The following CADM2 variants were observed in gnomAD, a reference collection of about 807,000 sequenced individuals.
The protein encoded by CADM2 is immunoglobulin superfamily member 4D.
CADM2 carries 12 observed loss-of-function variants against 49.8 expected under a neutral mutation model. That is an observed-to-expected ratio of 0.24 (90% CI 0.15 to 0.39). CADM2 has a LOEUF of 0.39. CADM2 is among the 10% of genes least tolerant of loss of function. The pLI is 1.00. For synonymous variants in CADM2, 214 were observed against 175.4 expected (o/e 1.22, Z -1.74); for missense variants, 378 against 492.3 (o/e 0.77, Z 2.20).
At chr3:85,615,292 T>C (rs1191105708) in intron 1 of CADM2, among the ~76,000 whole-genome samples, 3 of 151,742 alleles carry the variant, frequency 2.0e-5, no homozygotes, top group Non-Finnish European at 1.5e-5. Context: ...TAGTTCTCAG[T>C]TTTCCAGGAT....
intron 8 of CADM2, among the ~76,000 whole-genome samples, chr3:86,009,872 C>G (rs888572666): frequency 1.3e-5 from 2 of 151,812 alleles, no homozygotes; most frequent in South Asian, 4.2e-4. Flanking sequence ...ATGGCTATAT[C>G]TATCTAATAA....
intron 1 of CADM2, among the ~76,000 whole-genome samples, chr3:85,518,769 A>C (rs2060962695): frequency 6.6e-6 from 1 of 152,242 alleles, no homozygotes; most frequent in African/African-American, 2.4e-5. Context: ...ACTCTCATTA[A>C]GGACATTGTA....
At chr3:85,613,689 C>T (rs920906915) in intron 1 of CADM2, among the ~76,000 whole-genome samples, 3 of 151,116 alleles carry the variant, frequency 2.0e-5, no homozygotes, top group Admixed American at 2.0e-4. Context: ...TAAAATTAGT[C>T]AGAAAATATG....
chr3:85,184,185 T>A (rs141909236), intron 1 of CADM2, among the ~76,000 whole-genome samples: 3 of 151,904 alleles, frequency 2.0e-5, no homozygotes, highest in African/African-American at 7.3e-5. Context: ...TGAAAAAAAA[T>A]TGATTTTTTG....
chr3:85,024,214 A>G (rs1053239179), intron 1 of CADM2, among the ~76,000 whole-genome samples: 1 of 152,160 alleles, frequency 6.6e-6, no homozygotes, highest in Non-Finnish European at 1.5e-5. Context: ...TGTAAATAAC[A>G]ATAACTGTCA....
intron 1 of CADM2, among the ~76,000 whole-genome samples, chr3:85,468,619 C>G (rs1346208445): frequency 2.0e-5 from 3 of 151,948 alleles, no homozygotes; most frequent in Non-Finnish European, 1.5e-5. Flanking sequence ...AAGAACTTAA[C>G]TCTTGTTTAT....
chr3:85,535,856 G>A (rs889293297), intron 1 of CADM2, among the ~76,000 whole-genome samples: 1 of 152,116 alleles, frequency 6.6e-6, no homozygotes, highest in Non-Finnish European at 1.5e-5. Context: ...CTTGAGCAGA[G>A]CAACCCTGTA....
intron 1 of CADM2, among the ~76,000 whole-genome samples, chr3:85,180,318 G>A (rs777353825): frequency 2.6e-5 from 4 of 151,820 alleles, no homozygotes; most frequent in African/African-American, 4.8e-5. Context: ...AGACCACCCT[G>A]GGCAATGTGG....
chr3:84,963,961 C>T (rs1271773586), intron 1 of CADM2, among the ~76,000 whole-genome samples: 1 of 152,074 alleles, frequency 6.6e-6, no homozygotes, highest in African/African-American at 2.4e-5. Flanking sequence ...ATAACTGTGG[C>T]TTAAATAGTC....
chr3:85,156,933 G>A (rs1221087087), intron 1 of CADM2, among the ~76,000 whole-genome samples: 1 of 152,104 alleles, frequency 6.6e-6, no homozygotes, highest in Non-Finnish European at 1.5e-5. Context: ...TGTATATCTA[G>A]AAAACCCCAT....
At chr3:85,739,433 T>G (rs1008454653) in intron 2 of CADM2, among the ~76,000 whole-genome samples, 2 of 152,108 alleles carry the variant, frequency 1.3e-5, no homozygotes, top group Non-Finnish European at 2.9e-5. Context: ...GGATCTGTTT[T>G]CTTTTAAAAT....
At chr3:85,269,206 A>AG (rs1189083589) in intron 1 of CADM2, among the ~76,000 whole-genome samples, 1 of 151,448 alleles carries the variant, frequency 6.6e-6, no homozygotes, top group Non-Finnish European at 1.5e-5. Context: ...ATAATAAAAA[A>AG]TAATTTGATT....
At chr3:85,959,077 T>G (rs1484765261) in intron 7 of CADM2, among the ~76,000 whole-genome samples, 9 of 151,272 alleles carry the variant, frequency 5.9e-5, no homozygotes, top group Non-Finnish European at 1.3e-4. Context: ...TATATCTATA[T>G]AGCTATATCT....
chr3:85,744,876 A>G (rs558810546), intron 2 of CADM2, among the ~76,000 whole-genome samples: 5 of 152,292 alleles, frequency 3.3e-5, no homozygotes, highest in Admixed American at 3.3e-4. Flanking sequence ...TGCAATGGCA[A>G]AGCATTGGCA....
intron 1 of CADM2, among the ~76,000 whole-genome samples, chr3:85,194,449 A>G (rs1477418771): frequency 6.6e-6 from 1 of 152,144 alleles, no homozygotes; most frequent in Admixed American, 6.6e-5. Context: ...CAGACCAAAC[A>G]GACCAAGAAA....
chr3:85,957,949 A>G (rs1577776448), intron 7 of CADM2, among the ~76,000 whole-genome samples: 1 of 152,026 alleles, frequency 6.6e-6, no homozygotes, highest in African/African-American at 2.4e-5. Context: ...AATGGGATCT[A>G]ATTAAAGTAA....
At chr3:85,347,969 G>A (rs908170257) in intron 1 of CADM2, among the ~76,000 whole-genome samples, 14 of 151,914 alleles carry the variant, frequency 9.2e-5, no homozygotes, top group Non-Finnish European at 1.6e-4. Flanking sequence ...CACTGCGCCT[G>A]GCTAATTTTT....
At position 85,653,200 on chromosome 3, in the gene CADM2, C is replaced by T. The variant is rs143257046; in HGVS notation, c.62-73322C>T. ...GAATCACACTTTGGGTAGCAAAGAA[C>T]GAGAATATTAGGATAATTACATAAG... On this transcript the variant is annotated intron_variant, in intron 1 of 9. Transcript: ENST00000383699. Among the ~76,000 whole-genome samples the T allele has an allele frequency of 2.2e-3, 329 of 150,566 alleles. 1 individual carries two copies. Among genetic ancestry groups the T allele is most frequent in the African/African-American group, 7.0e-3 (285 of 40,908 alleles).
chr3:85,901,191 T>C (rs1023599186), intron 5 of CADM2, among the ~76,000 whole-genome samples: 4 of 151,972 alleles, frequency 2.6e-5, no homozygotes, highest in Non-Finnish European at 4.4e-5. Context: ...CAAAACTCCA[T>C]CTCAAAAAAA....
Sources: gnomAD v4.1 joint callset for allele counts (sites outside exome capture counted in the v4.1 genomes callset) on GRCh38, gnomAD v4.1.1 for gene constraint, MANE v1.5 for transcripts, NCBI Gene and HGNC (gene_info 2026-07-23, HGNC 2026-07-21) for gene names.